Variants in ZDHHC17 observed in about 807,000 individuals in gnomAD.
ZDHHC17 encodes palmitoyltransferase ZDHHC17.
ZDHHC17 carries 40 observed loss-of-function variants against 90.3 expected under a neutral mutation model. The observed-to-expected ratio is 0.44, with a 90% CI of 0.34 to 0.58. The LOEUF (loss-of-function observed/expected upper bound fraction) is 0.58. ZDHHC17 is among the 20% of genes least tolerant of loss of function. The probability of loss-of-function intolerance (pLI) is 0.01; values close to 1 mark genes in which losing one functional copy is unlikely to be tolerated. For synonymous variants in ZDHHC17, 235 were observed against 252.4 expected, an observed-to-expected ratio of 0.93 and a Z score of 0.65; for missense variants, 614 against 780.8, an observed-to-expected ratio of 0.79 and a Z score of 2.55.
intron 10 of ZDHHC17, among the ~76,000 whole-genome samples, chr12:76,833,740 C>T (rs1351654330): frequency 6.6e-6 from 1 of 152,122 alleles, no homozygotes; most frequent in East Asian, 1.9e-4. Context: ...TTGCAGTGAG[C>T]CGAGATTGCG....
At chr12:76,807,831 C>A (rs1348210192) in intron 3 of ZDHHC17, among the ~76,000 whole-genome samples, 2 of 152,130 alleles carry the variant, frequency 1.3e-5, no homozygotes, top group Non-Finnish European at 2.9e-5. Flanking sequence ...AATAAAATAT[C>A]ATTTCCTACG....
intron 3 of ZDHHC17, among the ~76,000 whole-genome samples, chr12:76,808,200 G>GT (rs1001276766): frequency 1.3e-5 from 2 of 152,166 alleles, no homozygotes; most frequent in Admixed American, 1.3e-4. Flanking sequence ...AATCAGAACA[G>GT]TTTAAGAGTA....
chr12:76,776,647 G>A (rs554416358), intron 1 of ZDHHC17, among the ~76,000 whole-genome samples: 1 of 152,094 alleles, frequency 6.6e-6, no homozygotes, highest in South Asian at 2.1e-4. Flanking sequence ...CTGATGTGTG[G>A]CAGTTTAAAT....
At chr12:76,821,227 G>C in intron 7 of ZDHHC17, 1 of 954,046 alleles carries the variant, frequency 1.0e-6, no homozygotes, top group Admixed American at 3.7e-5. Flanking sequence ...TGGAATTTTG[G>C]AATAGGTAAG....
intron 2 of ZDHHC17, among the ~76,000 whole-genome samples, chr12:76,802,148 A>G (rs184508209): frequency 1.9e-3 from 296 of 152,330 alleles, no homozygotes; most frequent in Admixed American, 3.2e-3. Flanking sequence ...CAGTGGTAAC[A>G]GATTCTCTCA....
At chr12:76,765,151 T>C (rs2137701613) in intron 1 of ZDHHC17, among the ~76,000 whole-genome samples, 1 of 152,342 alleles carries the variant, frequency 6.6e-6, no homozygotes, top group Non-Finnish European at 1.5e-5. Context: ...GTGATGTCTG[T>C]ATGCGGCAGC....
chr12:76,852,701 C>G lies in ZDHHC17; in HGVS notation c.*1716C>G, dbSNP rs187378719. On this transcript the variant is annotated 3_prime_UTR_variant, in exon 17 of 17. Transcript: ENST00000426126. ...CATTTTTATATAGTAGCTTATTTGACCATAAGTCACACATCAAAAAAAGAT... is the reference window on the plus strand; with the variant it reads ...CATTTTTATATAGTAGCTTATTTGAGCATAAGTCACACATCAAAAAAAGAT... 2.6e-5 allele frequency: 4 copies of G among 152,566 alleles called. No individual in the cohort carries two copies. Among genetic ancestry groups the G allele is most frequent in the Non-Finnish European group, 4.4e-5 (3 of 68,006 alleles). The allele number at this position is 152,566 out of a possible 1,614,324, so 9.5% of individuals were successfully genotyped here.
intron 13 of ZDHHC17, among the ~76,000 whole-genome samples, chr12:76,846,089 T>G (rs1172443854): frequency 1.3e-5 from 2 of 152,048 alleles, no homozygotes; most frequent in Non-Finnish European, 2.9e-5. Context: ...GCGGTAATAT[T>G]TGAAATGATA....
At chr12:76,835,521 A>T (rs10746272) in intron 10 of ZDHHC17, among the ~76,000 whole-genome samples, 90,442 of 151,260 alleles carry the variant, frequency 0.6, 27,015 homozygotes, top group East Asian at 0.67. Flanking sequence ...TAATTTTTTT[A>T]AATTATGAAT....
chr12:76,798,105 CATT>C (rs1189528031), intron 2 of ZDHHC17, among the ~76,000 whole-genome samples: 2 of 152,132 alleles, frequency 1.3e-5, no homozygotes, highest in East Asian at 1.9e-4. Flanking sequence ...AGTTGGAAAA[CATT>C]GTTGGAATTA....
At chr12:76,841,574 G>T (rs1238869741) in intron 10 of ZDHHC17, among the ~76,000 whole-genome samples, 2 of 151,972 alleles carry the variant, frequency 1.3e-5, no homozygotes, top group Non-Finnish European at 2.9e-5. Flanking sequence ...GCAAAAGTGA[G>T]AATTTTTCTT....
intron 1 of ZDHHC17, among the ~76,000 whole-genome samples, chr12:76,782,498 C>T (rs1477539084): frequency 6.6e-6 from 1 of 152,176 alleles, no homozygotes; most frequent in Non-Finnish European, 1.5e-5. Flanking sequence ...GAGTCAAGAG[C>T]ATTTCCTTTG....
chr12:76,808,493 AG>A (rs1459331342), intron 3 of ZDHHC17, among the ~76,000 whole-genome samples: 2 of 152,186 alleles, frequency 1.3e-5, no homozygotes, highest in African/African-American at 4.8e-5. Flanking sequence ...TCTCAAAAAA[AG>A]ATATTATGAT....
chr12:76,819,995 A>T (rs1490416658), intron 7 of ZDHHC17, among the ~76,000 whole-genome samples: 2,094 of 26,376 alleles, frequency 0.079, 25 homozygotes, highest in Non-Finnish European at 0.12. Context: ...CTATGTCTTA[A>T]AAAAAAAAAA....
At chr12:76,778,185 A>G (rs1367941935) in intron 1 of ZDHHC17, among the ~76,000 whole-genome samples, 1 of 152,158 alleles carries the variant, frequency 6.6e-6, no homozygotes, top group African/African-American at 2.4e-5. Context: ...TATATTGCAG[A>G]CAGTCACACA....
chr12:76,845,352 T>A (rs1953482193), intron 12 of ZDHHC17: 1 of 153,776 alleles, frequency 6.5e-6, no homozygotes, highest in African/African-American at 2.4e-5. Flanking sequence ...GGAACATCAT[T>A]TAGAAGACTG....
rs1952941193 is a variant in ZDHHC17, at chr12:76,805,199, G to A, written c.198-118G>A. 4 of 1,001,092 alleles carry A rather than the reference G, an allele frequency of 4.0e-6. No homozygotes were observed. The Admixed American group carries it at 7.4e-5, about 19-fold the overall frequency. The allele number at this position is 1,001,092 out of a possible 1,614,324, so 62.0% of individuals were successfully genotyped here. ...TTTTAAAAGTAATATTCTATGTTGA[G>A]AAATACATTTTAATTTCCTAGTATC... On this transcript the variant is annotated intron_variant, in intron 2 of 16. Transcript: ENST00000426126.
At chr12:76,781,740 C>G in intron 1 of ZDHHC17, 1 of 453,150 alleles carries the variant, frequency 2.2e-6, no homozygotes, top group Non-Finnish European at 4.4e-6. Flanking sequence ...TCTGTTATAG[C>G]AACACAAAAT....
At chr12:76,807,819 T>C (rs535444558) in intron 3 of ZDHHC17, among the ~76,000 whole-genome samples, 2 of 152,316 alleles carry the variant, frequency 1.3e-5, no homozygotes, top group East Asian at 3.9e-4. Flanking sequence ...GTTACGATTT[T>C]TAATAAAATA....
Sources: allele counts gnomAD v4.1 joint callset (sites outside exome capture counted in the v4.1 genomes callset), GRCh38; gene constraint gnomAD v4.1.1; transcripts MANE v1.5; gene names NCBI Gene and HGNC (gene_info 2026-07-23, HGNC 2026-07-21).